The following ADAR variants were observed in gnomAD, a reference collection of about 807,000 sequenced individuals.
ADAR encodes adenosine deaminase RNA specific.
Under a neutral mutation model 113.2 loss-of-function variants are expected in ADAR, and 41 were observed. The ratio of observed to expected loss-of-function variants is 0.36; its 90% CI spans 0.28 to 0.47. The LOEUF is 0.47. ADAR is among the 20% of genes least tolerant of loss of function. The pLI, the probability that ADAR is intolerant of heterozygous loss-of-function variation, is 1.00. For missense variants in ADAR, 1,242 were observed against 1,540.9 expected (o/e 0.81, Z 3.25); for synonymous variants, 605 against 572.6 (o/e 1.06, Z -0.81).
chr1:154,601,216 T>C lies in ADAR; in HGVS notation c.1426A>G (p.Ile476Val). Reference protein sequence around the residue: ...IRAAPGEFRAIMEMPSFYSHG... With the variant: ...IRAAPGEFRAVMEMPSFYSHG... The stretch of plus-strand genomic sequence containing the variant: ...CTGTAGAAGGAGGGCATCTCCATGA[T>C]GGCTCGAAACTCACCTGGTGCTGCG... Residue 476 changes from isoleucine to valine, a missense_variant, in exon 2 of 15, where the codon ATC (isoleucine) becomes GTC (valine). Ile to Val is a conservative substitution (Grantham distance 29, BLOSUM62 3). Coordinates refer to ENST00000368474, the MANE Select transcript of ADAR (RefSeq NM_001111.5). This position sits in a 1 kb window ranked among gnomAD's most constrained non-coding sequence, Gnocchi z 4.7. The C allele has an allele frequency of 1.2e-6, 2 of 1,614,236 alleles. No homozygotes were observed. The highest frequency in any genetic ancestry group is 1.7e-6 in the Non-Finnish European group (2 of 1,180,032).
At chr1:154,605,585 G>C (rs1408786165) in intron 1 of ADAR, among the ~76,000 whole-genome samples, 1 of 152,074 alleles carries the variant, frequency 6.6e-6, no homozygotes, top group Non-Finnish European at 1.5e-5. Flanking sequence ...GTGAGCTCTT[G>C]GGGGTCAAGG....
chr1:154,594,204 G>A lies in ADAR; in HGVS notation c.2270+2601C>T, dbSNP rs566268383. On this transcript the variant is annotated intron_variant, in intron 6 of 14. Transcript: ENST00000368474. ...GCTGACATTACTTCTATTAAGGAGA[G>A]ACAAATTTAAAGTAACAAGATAGCA... is the stretch of plus-strand genomic sequence containing the variant. Among the ~76,000 whole-genome samples, 5 of 152,186 alleles carry A rather than the reference G, an allele frequency of 3.3e-5. No homozygotes were observed. The East Asian group carries it at 9.6e-4, about 29-fold the overall frequency.
chr1:154,593,925 C>T (rs1365291439), intron 6 of ADAR, among the ~76,000 whole-genome samples: 1 of 151,986 alleles, frequency 6.6e-6, no homozygotes, highest in Non-Finnish European at 1.5e-5. Flanking sequence ...ACTCCATCAC[C>T]CAGGCTGGAG....
upstream of ADAR, among the ~76,000 whole-genome samples, chr1:154,610,147 A>G (rs572202306): frequency 8.8e-4 from 134 of 152,324 alleles, no homozygotes; most frequent in Non-Finnish European, 1.6e-3. Context: ...GACAGACAGC[A>G]TTAGCCATCT....
exon 1 of ADAR, chr1:154,627,936 C>CCCCCCCCCCCCCCCCCCCCCCT: frequency 1.9e-6 from 1 of 513,904 alleles, no homozygotes; most frequent in Non-Finnish European, 3.9e-6. Flanking sequence ...CCCTCCCCCA[C>CCCCCCCCCCCCCCCCCCCCCCT]CACGTAGCCT....
chr1:154,620,551 T>C (rs974269235), intron 1 of ADAR, among the ~76,000 whole-genome samples: 2 of 152,238 alleles, frequency 1.3e-5, no homozygotes, highest in South Asian at 2.1e-4. Flanking sequence ...AATCAACTAA[T>C]GAATAAATAA....
chr1:154,592,404 C>T (rs904811771), intron 6 of ADAR, among the ~76,000 whole-genome samples: 19 of 151,870 alleles, frequency 1.3e-4, no homozygotes, highest in African/African-American at 4.6e-4. Flanking sequence ...ATGTTTGGTT[C>T]CTGTTCTAAA....
upstream of ADAR, among the ~76,000 whole-genome samples, chr1:154,612,822 C>A (rs1298659880): frequency 1.3e-5 from 2 of 150,728 alleles, no homozygotes; most frequent in Non-Finnish European, 3.0e-5. Flanking sequence ...TTCTTTCTTT[C>A]TTTTTTTGAG....
intron 12 of ADAR, 138 bp downstream of exon 12, chr1:154,586,043 G>T (rs1482501949): frequency 8.0e-7 from 1 of 1,254,952 alleles, no homozygotes; most frequent in Admixed American, 1.8e-5. Context: ...CAGCAGACTG[G>T]ACACTCAATC....
intron 6 of ADAR, among the ~76,000 whole-genome samples, chr1:154,591,916 AG>A (rs1437242581): frequency 6.6e-6 from 1 of 152,230 alleles, no homozygotes; most frequent in Non-Finnish European, 1.5e-5. Context: ...AAGATGGTGA[AG>A]GCGGTCAGGA....
At chr1:154,593,150 A>C (rs1697266425) in intron 6 of ADAR, among the ~76,000 whole-genome samples, 8 of 150,830 alleles carry the variant, frequency 5.3e-5, no homozygotes, top group Admixed American at 4.6e-4. Context: ...AAAAAAAAAA[A>C]AAAAAACAGA....
At chr1:154,622,281 G>C (rs960397780) in intron 1 of ADAR, among the ~76,000 whole-genome samples, 1 of 152,188 alleles carries the variant, frequency 6.6e-6, no homozygotes, top group Non-Finnish European at 1.5e-5. Context: ...CCTGAGGAAA[G>C]GGCAGGGACA....
chr1:154,601,721 G>T lies in ADAR; in HGVS notation c.921C>A (p.Leu307=), dbSNP rs1170108720. Residue 307 remains leucine (L), a synonymous_variant, in exon 2 of 15, where the codon CTC becomes CTA. Transcript: ENST00000368474. The surrounding 1 kb of genome is among the most constrained non-coding windows in gnomAD (Gnocchi z 4.7). ...GGGCAGAGGAGTCAGACACATTGAA[G>T]AGATAGTCGCAGATTTTCTCCTTGA... ...AEIKEKICDY[L]FNVSDSSALN... The T allele has an allele frequency of 6.2e-7, 1 of 1,614,230 alleles. No homozygotes were observed. The highest frequency in any genetic ancestry group is 8.5e-7 in the Non-Finnish European group (1 of 1,180,048).
upstream of ADAR, among the ~76,000 whole-genome samples, chr1:154,610,114 A>G (rs1698435732): frequency 6.6e-6 from 1 of 152,202 alleles, no homozygotes; most frequent in South Asian, 2.1e-4. Context: ...GTATAGCTAC[A>G]GTGAGCTACT....
intron 6 of ADAR, among the ~76,000 whole-genome samples, chr1:154,592,549 G>C (rs1697217567): frequency 6.6e-6 from 1 of 152,166 alleles, no homozygotes; most frequent in Non-Finnish European, 1.5e-5. Context: ...AGAAGAGGAA[G>C]GGATTTGGGA....
chr1:154,609,420 C>T (rs927719247), upstream of ADAR, among the ~76,000 whole-genome samples: 6 of 152,182 alleles, frequency 3.9e-5, no homozygotes, highest in Non-Finnish European at 8.8e-5. Context: ...AAGGCAGTCC[C>T]TTTATAGCAG....
rs1235450713 is a variant in ADAR, at chr1:154,601,125, C to T, written c.1517G>A (p.Ser506Asn). 3.1e-6 allele frequency: 5 copies of T among 1,614,092 alleles called. No homozygotes were observed. The highest frequency in any genetic ancestry group is 4.2e-6 in the Non-Finnish European group (5 of 1,180,056). The change falls in exon 2 of 15, where the codon AGC becomes AAC. Residue 506 changes from serine (S) to asparagine (N), a missense_variant. Around this residue, in one of 2 missense-constraint regions of ADAR, gnomAD observed 780 missense variants for 1,057.9 expected, o/e 0.74. Transcript: ENST00000368474. The surrounding 1 kb of genome is among the most constrained non-coding windows in gnomAD (Gnocchi z 4.7). ...GAACTGGGCATATTCTAACAGCCCG[C>T]TGATGGGGTTCTTCAGCTGGCACTC... The part of the protein sequence containing the change: ...LTECQLKNPI[S>N]GLLEYAQFAS...
chr1:154,625,189 A>C (rs1323500296), intron 1 of ADAR, among the ~76,000 whole-genome samples: 3 of 152,228 alleles, frequency 2.0e-5, no homozygotes, highest in Non-Finnish European at 2.9e-5. Context: ...ATAATGTATC[A>C]TTAGACAATT....
rs886045333 is a variant in ADAR, at chr1:154,584,445, G to C, written c.*361C>G. The stretch of plus-strand genomic sequence containing the variant: ...CTGAAACCTAATCAAGACCGCAAGA[G>C]GTCAGTGTAGCAAACACAAAGGGAA... On this transcript the variant is annotated 3_prime_UTR_variant, in exon 15 of 15. Transcript: ENST00000368474. 2.8e-5 allele frequency: 7 copies of C among 247,168 alleles called. No individual in the cohort carries two copies. The South Asian group carries it at 4.1e-4, about 14-fold the overall frequency. 15.3% of individuals were successfully genotyped at this position (247,168 alleles called of 1,614,324 possible). A position where few individuals can be genotyped will look rare whatever the true frequency, so the allele number is the denominator to read the frequency against.
Sources: allele counts gnomAD v4.1 joint callset (sites outside exome capture counted in the v4.1 genomes callset), GRCh38; gene constraint gnomAD v4.1.1; regional missense constraint gnomAD v4.1.1; non-coding constraint Gnocchi (gnomAD v3.1); transcripts MANE v1.5; gene names NCBI Gene and HGNC (gene_info 2026-07-23, HGNC 2026-07-21).